Variants in KLK11 observed in about 807,000 individuals in gnomAD.
KLK11 encodes kallikrein-11.
KLK11 carries 10 observed loss-of-function variants against 23.4 expected under a neutral mutation model. The observed-to-expected ratio is 0.43, with a 90% confidence interval of 0.26 to 0.73. KLK11 has a LOEUF of 0.73. Among genes scored for constraint, KLK11 ranks in the 30% least tolerant of loss-of-function variants. The pLI is 0.22. For missense variants in KLK11, 285 were observed against 327.8 expected, an observed-to-expected ratio of 0.87 and a Z score of 1.01; for synonymous variants, 131 against 131.7, an observed-to-expected ratio of 0.99 and a Z score of 0.03.
upstream of KLK11, chr19:51,026,839 C>T: frequency 6.5e-6 from 1 of 154,706 alleles, no homozygotes; most frequent in Non-Finnish European, 1.5e-5. Context: ...TGTCTGTCTG[C>T]AGCCTTCCTT....
upstream of KLK11, chr19:51,026,737 C>T: frequency 2.7e-6 from 1 of 367,726 alleles, no homozygotes; most frequent in African/African-American, 2.2e-5. Flanking sequence ...GTGTGAGGGC[C>T]CTCCCCGGAG....
At chr19:51,023,902 C>G (rs60627720) in intron 4 of KLK11, 143 bp downstream of exon 4, 4 of 734,874 alleles carry the variant, frequency 5.4e-6, no homozygotes, top group East Asian at 5.8e-5. Context: ...TCCCCACCCC[C>G]CTATCCTGAC....
Position 51,025,466 on chromosome 19 carries a change from A to C in KLK11, c.40+126T>G, listed in dbSNP as rs1317869602. The C allele has an allele frequency of 2.9e-5, 16 of 551,558 alleles. No individual in the cohort carries two copies. Among genetic ancestry groups the C allele is most frequent in the Non-Finnish European group, 4.7e-5 (15 of 320,322 alleles). The allele number at this position is 551,558 out of a possible 1,614,324, so 34.2% of individuals were successfully genotyped here. A position where few individuals can be genotyped will look rare whatever the true frequency, so the allele number is the denominator to read the frequency against. ...TCCAGGCCCTCATGACCACTGCTCCAGTTCAGGTGCCTTATGGGTTGTTCT... is the reference window on the plus strand; with the variant it reads ...TCCAGGCCCTCATGACCACTGCTCCCGTTCAGGTGCCTTATGGGTTGTTCT... On this transcript the variant is annotated intron_variant, in intron 2 of 5. Transcript: ENST00000453757. The surrounding 1 kb of genome is among the most constrained non-coding windows in gnomAD (Gnocchi z 6.2).
Position 51,024,751 on chromosome 19 carries a change from G to A in KLK11, c.84C>T (p.Cys28=), listed in dbSNP as rs191413178. 12 of 1,602,660 alleles carry A rather than the reference G, an allele frequency of 7.5e-6. No homozygotes were observed. The highest frequency in any genetic ancestry group is 4.0e-5 in the African/African-American group (3 of 74,202). Residue 28 remains cysteine, a synonymous_variant, in exon 3 of 6, where the codon TGC becomes TGT. Transcript: ENST00000453757. The surrounding 1 kb of genome is among the most constrained non-coding windows in gnomAD (Gnocchi z 6.2). ...GETRIIKGFE[C]KPHSQPWQAA... The stretch of plus-strand genomic sequence containing the variant: ...CCTGCCAGGGCTGGGAGTGAGGCTT[G>A]CACTCGAACCCCTTGATGATCCTGG...
chr19:51,027,650 A>G (rs891955001), upstream of KLK11: 9 of 1,017,500 alleles, frequency 8.8e-6, no homozygotes, highest in African/African-American at 1.4e-4. Flanking sequence ...AGGTTCTGAC[A>G]GCAGCCAGCC....
In KLK11 at chr19:51,024,303, T is replaced by G; in HGVS notation, c.205A>C (p.Ile69Leu). 6.2e-7 allele frequency: 1 copy of G among 1,613,590 alleles called. No individual in the cohort carries two copies. The part of the protein sequence containing the change: ...TAAHCLKPRY[I>L]VHLGQHNLQK... ...AGGTTGTGCTGCCCCAGGTGAACTA[T>G]GTAGCGGCTGAGGTGGGAGAGACAG... The change falls in exon 4 of 6, where the codon ATA becomes CTA. Residue 69 changes from isoleucine (I) to leucine (L), a missense_variant. Ile to Leu is a conservative substitution (Grantham distance 5, BLOSUM62 2). Coordinates refer to ENST00000453757, the MANE Select transcript of KLK11 (RefSeq NM_001136032.3). This position sits in a 1 kb window ranked among gnomAD's most constrained non-coding sequence, Gnocchi z 6.2.
chr19:51,027,843 G>A (rs2569457), upstream of KLK11: 217,791 of 290,602 alleles, frequency 0.75, 82,145 homozygotes, highest in East Asian at 0.96. Flanking sequence ...AGCAGACTGC[G>A]GGGGGGCTCA....
intron 5 of KLK11, 78 bp downstream of exon 5, chr19:51,023,014 G>A: frequency 6.7e-7 from 1 of 1,486,478 alleles, no homozygotes; most frequent in South Asian, 1.2e-5. Flanking sequence ...TGAGGTTGGG[G>A]ATGAAATTGT....
chr19:51,022,588 C>T lies in KLK11; in HGVS notation c.710G>A (p.Cys237Tyr). The T allele has an allele frequency of 6.2e-7, 1 of 1,614,102 alleles. No homozygotes were observed. Among genetic ancestry groups the T allele is most frequent in the Non-Finnish European group, 8.5e-7 (1 of 1,180,038 alleles). ...CTCCTGGATCCAGTCCACATATTTGCAGACTTTCGTGTAGACACCAGGCTT... is the reference window on the plus strand; with the variant it reads ...CTCCTGGATCCAGTCCACATATTTGTAGACTTTCGTGTAGACACCAGGCTT... ...TRKPGVYTKV[C>Y]KYVDWIQETM... Residue 237 changes from cysteine (C) to tyrosine (Y), a missense_variant, in exon 6 of 6, where the codon TGC becomes TAC. Coordinates refer to ENST00000453757, the MANE Select transcript of KLK11 (RefSeq NM_001136032.3).
Position 51,024,268 on chromosome 19 carries a change from C to T in KLK11, c.240G>A (p.Glu80=). 1 of 1,614,122 alleles carries T rather than the reference C, an allele frequency of 6.2e-7. No homozygotes were observed. The highest frequency in any genetic ancestry group is 1.3e-5 in the African/African-American group (1 of 75,040). The stretch of plus-strand genomic sequence containing the variant: ...CTGTCCGGGTCTGCTCACAGCCCTC[C>T]TCCTTCTGGAGGTTGTGCTGCCCCA... ...VHLGQHNLQK[E]EGCEQTRTAT... is the part of the protein sequence containing the mutation. Residue 80 remains glutamate (E), a synonymous_variant, in exon 4 of 6, where the codon GAG becomes GAA. Coordinates refer to ENST00000453757, the MANE Select transcript of KLK11 (RefSeq NM_001136032.3). This position sits in a 1 kb window ranked among gnomAD's most constrained non-coding sequence, Gnocchi z 6.2.
Position 51,024,363 on chromosome 19 carries a change from T to C in KLK11, c.198-53A>G. The C allele has an allele frequency of 6.3e-7, 1 of 1,590,954 alleles. No homozygotes were observed. The highest frequency in any genetic ancestry group is 8.5e-7 in the Non-Finnish European group (1 of 1,169,964). ...GAGGAAAGGTCGGGGGAGACATGGG[T>C]GGGAGAGGTGAGTGACACCTTTGAG... is the stretch of plus-strand genomic sequence containing the variant. On this transcript the variant is annotated intron_variant, in intron 3 of 5. Transcript: ENST00000453757. This position sits in a 1 kb window ranked among gnomAD's most constrained non-coding sequence, Gnocchi z 6.2.
At chr19:51,022,790 G>C in intron 5 of KLK11, 93 bp from the exon 6 acceptor site, 1 of 1,361,058 alleles carries the variant, frequency 7.3e-7, no homozygotes, top group Non-Finnish European at 1.0e-6. Flanking sequence ...GAGTGGGGCC[G>C]AGACAGGATG....
upstream of KLK11, chr19:51,026,698 C>G (rs1037827651): frequency 1.2e-5 from 9 of 726,148 alleles, no homozygotes; most frequent in Non-Finnish European, 1.5e-5. Flanking sequence ...GGCCTCCAAG[C>G]CCTGCCTTAA....
At position 51,024,277 on chromosome 19, in the gene KLK11, G is replaced by A; in HGVS notation, c.231C>T (p.Leu77=). ...TCTGCTCACAGCCCTCCTCCTTCTG[G>A]AGGTTGTGCTGCCCCAGGTGAACTA... ...RYIVHLGQHN[L]QKEEGCEQTR... Residue 77 remains leucine (L), a synonymous_variant, in exon 4 of 6, where the codon CTC becomes CTT. Coordinates refer to ENST00000453757, the MANE Select transcript of KLK11 (RefSeq NM_001136032.3). The surrounding 1 kb of genome is among the most constrained non-coding windows in gnomAD (Gnocchi z 6.2). The A allele has an allele frequency of 6.2e-7, 1 of 1,614,028 alleles. No homozygotes were observed. The highest frequency in any genetic ancestry group is 1.1e-5 in the South Asian group (1 of 91,068).
At chr19:51,027,797 T>C (rs1029581434), upstream of KLK11, 1 of 408,948 alleles carries the variant, frequency 2.4e-6, no homozygotes, top group Non-Finnish European at 4.4e-6. Context: ...GCAGGGGAGG[T>C]TGGGATCAGG....
At chr19:51,026,474 G>C in intron 1 of KLK11, 64 bp downstream of exon 1, 1 of 733,884 alleles carries the variant, frequency 1.4e-6, no homozygotes, top group African/African-American at 1.9e-5. Context: ...AGTGGGACAG[G>C]TGTCCTTGGG....
At chr19:51,022,854 G>A (rs1280790074) in intron 5 of KLK11, among the ~76,000 whole-genome samples, 157 bp from the exon 6 acceptor site, 2 of 152,086 alleles carry the variant, frequency 1.3e-5, no homozygotes, top group African/African-American at 4.8e-5. Flanking sequence ...ATTATGGGTG[G>A]GATAAAGGAT....
chr19:51,023,217 G>T lies in KLK11; in HGVS notation c.475C>A (p.His159Asn). ...GTGATGTTGGCGCATCGCAAGGTGT[G>T]AGGCAGGCGTACTGTGGAAACAGCG... is the stretch of plus-strand genomic sequence containing the variant. ...STSSPQLRLP[H>N]TLRCANITII... is the part of the protein sequence containing the mutation. Residue 159 changes from histidine (H) to asparagine (N), a missense_variant, in exon 5 of 6, where the codon CAC (histidine) becomes AAC (asparagine). Transcript: ENST00000453757. 3.7e-6 allele frequency: 6 copies of T among 1,612,942 alleles called. No homozygotes were observed. The highest frequency in any genetic ancestry group is 5.1e-6 in the Non-Finnish European group (6 of 1,179,774).
chr19:51,026,340 G>A (rs868777577), intron 1 of KLK11, among the ~76,000 whole-genome samples, 198 bp downstream of exon 1: 37 of 152,112 alleles, frequency 2.4e-4, no homozygotes, highest in African/African-American at 8.4e-4. Flanking sequence ...CTCAGCAGCT[G>A]AAGCCATGGA....
Sources: gnomAD v4.1 joint callset for allele counts (sites outside exome capture counted in the v4.1 genomes callset) on GRCh38, gnomAD v4.1.1 for gene constraint, Gnocchi (gnomAD v3.1) non-coding constraint, MANE v1.5 for transcripts, NCBI Gene and HGNC (gene_info 2026-07-23, HGNC 2026-07-21) for gene names.